ZNF875: variants seen among roughly 807,000 people sequenced by gnomAD.
The protein encoded by ZNF875 is HKR1, GLI-Kruppel zinc finger family member.
A neutral mutation model predicts 11.2 loss-of-function variants in ZNF875; 14 were observed. That is an observed-to-expected ratio of 1.26 (90% CI 0.83 to 1.96). The LOEUF (loss-of-function observed/expected upper bound fraction) is 1.96, where lower values mean the gene tolerates loss of function less well. Ranked by LOEUF, ZNF875 falls within the 30% of genes most tolerant of loss-of-function variation. The probability of loss-of-function intolerance (pLI) is 0.00; values close to 1 mark genes in which losing one functional copy is unlikely to be tolerated. For synonymous variants in ZNF875, 301 were observed against 281.1 expected, an observed-to-expected ratio of 1.07 and a Z score of -0.71; for missense variants, 752 against 760.4, an observed-to-expected ratio of 0.99 and a Z score of 0.13.
At chr19:37,328,071 A>G (rs572551210) in intron 4 of ZNF875, among the ~76,000 whole-genome samples, 24 of 152,186 alleles carry the variant, frequency 1.6e-4, no homozygotes, top group Middle Eastern at 3.4e-3. Context: ...GAGAAACCCC[A>G]TCTTTACTAA....
rs76274391 is a variant in ZNF875 at position 37,356,497 on chromosome 19, T to C, written c.257-5612T>C. Among the ~76,000 whole-genome samples the C allele has an allele frequency of 1.6e-3, 246 of 152,332 alleles. 5 individuals carry two copies. In the East Asian group the frequency reaches 0.044, roughly 27 times the overall value. ...ATTCTGACTGGTGTGAGATGGCCTA[T>C]CTTCTTGTGGGTTTTCTTTTCCCAT... On this transcript the variant is annotated intron_variant, in intron 4 of 4. Transcript: ENST00000392153.
At chr19:37,313,722 T>C (rs2030060344), upstream of ZNF875, among the ~76,000 whole-genome samples, 1 of 147,226 alleles carries the variant, frequency 6.8e-6, no homozygotes, top group African/African-American at 2.5e-5. Context: ...TGGGAGACTG[T>C]GTTGACCATT....
At chr19:37,326,664 C>CTTTTTTTTT (rs35805509) in intron 4 of ZNF875, among the ~76,000 whole-genome samples, 42 of 88,088 alleles carry the variant, frequency 4.8e-4, no homozygotes, top group Non-Finnish European at 6.2e-4. Flanking sequence ...AATTAGAAAG[C>CTTTTTTTTT]TTTTTTTTTT....
intron 2 of ZNF875, among the ~76,000 whole-genome samples, chr19:37,342,323 T>C (rs2035878367): frequency 6.6e-6 from 1 of 152,202 alleles, no homozygotes; most frequent in Admixed American, 6.5e-5. Flanking sequence ...ATATTTCCTC[T>C]GAATTACGCT....
At chr19:37,329,854 T>C (rs1335718746), upstream of ZNF875, among the ~76,000 whole-genome samples, 2 of 152,152 alleles carry the variant, frequency 1.3e-5, no homozygotes, top group African/African-American at 4.8e-5. Flanking sequence ...CAGCTCAGGC[T>C]GGAGCAGTGG....
intron 4 of ZNF875, among the ~76,000 whole-genome samples, chr19:37,354,718 C>T (rs2038591325): frequency 6.6e-6 from 1 of 152,140 alleles, no homozygotes; most frequent in Admixed American, 6.5e-5. Flanking sequence ...TTGGTTGTGG[C>T]ATCTCTGCCC....
chr19:37,330,253 CT>C, upstream of ZNF875, among the ~76,000 whole-genome samples: 1 of 152,098 alleles, frequency 6.6e-6, no homozygotes, highest in East Asian at 1.9e-4. Flanking sequence ...AAATACTTGA[CT>C]TTTTTTGGTG....
At chr19:37,360,458 G>GA (rs2039709786) in intron 4 of ZNF875, among the ~76,000 whole-genome samples, 1 of 152,140 alleles carries the variant, frequency 6.6e-6, no homozygotes, top group East Asian at 1.9e-4. Flanking sequence ...TTCCAAAAGG[G>GA]AAAAAAACCA....
At chr19:37,334,355 G>GC (rs1277968513), upstream of ZNF875, among the ~76,000 whole-genome samples, 1 of 152,208 alleles carries the variant, frequency 6.6e-6, no homozygotes, top group East Asian at 1.9e-4. Context: ...GCGCACACTG[G>GC]CCACCCGCAG....
At chr19:37,333,679 A>G (rs1392680528), upstream of ZNF875, among the ~76,000 whole-genome samples, 1 of 152,116 alleles carries the variant, frequency 6.6e-6, no homozygotes, top group Non-Finnish European at 1.5e-5. Context: ...CTCACTGACA[A>G]TTCAACAATT....
At chr19:37,317,435 A>G (rs1284590056), upstream of ZNF875, among the ~76,000 whole-genome samples, 2 of 151,948 alleles carry the variant, frequency 1.3e-5, no homozygotes, top group East Asian at 3.9e-4. Flanking sequence ...CCGCCTCCCA[A>G]AGTGTTGGGA....
chr19:37,324,676 G>C (rs557994869), intron 4 of ZNF875: 1 of 152,232 alleles, frequency 6.6e-6, no homozygotes, highest in Non-Finnish European at 1.5e-5. Context: ...GGATTAAACT[G>C]CCATTTCAGT....
At chr19:37,326,224 C>G (rs2032408073) in intron 4 of ZNF875, among the ~76,000 whole-genome samples, 1 of 152,206 alleles carries the variant, frequency 6.6e-6, no homozygotes. Flanking sequence ...GACTAGCCAT[C>G]TTTCAAGTGC....
chr19:37,344,173 G>A (rs948645714), intron 2 of ZNF875, among the ~76,000 whole-genome samples: 1 of 152,174 alleles, frequency 6.6e-6, no homozygotes, highest in South Asian at 2.1e-4. Flanking sequence ...AGATATCAAC[G>A]CAAAGTCATA....
upstream of ZNF875, chr19:37,313,272 C>T (rs886953585): frequency 1.3e-5 from 2 of 152,114 alleles, no homozygotes; most frequent in African/African-American, 4.8e-5. Context: ...CCACCTTTCA[C>T]GAGAGGAGTC....
intron 2 of ZNF875, among the ~76,000 whole-genome samples, chr19:37,342,602 G>A (rs2035959052): frequency 6.6e-6 from 1 of 151,890 alleles, no homozygotes; most frequent in African/African-American, 2.4e-5. Context: ...AGTAGAGACG[G>A]GGTTTCTCCA....
chr19:37,335,927 G>C (rs1220328660), intron 2 of ZNF875, among the ~76,000 whole-genome samples: 2 of 152,192 alleles, frequency 1.3e-5, no homozygotes, highest in Non-Finnish European at 2.9e-5. Context: ...AGTCCTGGAA[G>C]AGTGCCTCGT....
upstream of ZNF875, chr19:37,315,279 T>A (rs776061848): frequency 7.9e-5 from 12 of 152,214 alleles, no homozygotes; most frequent in Admixed American, 1.3e-4. Context: ...TCCAAAATTG[T>A]AAAAGGGAAA....
intron 4 of ZNF875, among the ~76,000 whole-genome samples, chr19:37,359,160 A>G (rs143273963): frequency 0.025 from 3,760 of 152,216 alleles, 177 homozygotes; most frequent in African/African-American, 0.085. Context: ...CAGCCTTCCA[A>G]AGTGCTGGGA....
Sources: allele counts gnomAD v4.1 joint callset (sites outside exome capture counted in the v4.1 genomes callset), GRCh38; gene constraint gnomAD v4.1.1; transcripts MANE v1.5; gene names NCBI Gene and HGNC (gene_info 2026-07-23, HGNC 2026-07-21).